SCGB2B2: variants seen among roughly 807,000 people sequenced by gnomAD.
The protein encoded by SCGB2B2 is secretoglobin family 2B member 2.
SCGB2B2 carries 11 observed loss-of-function variants against 7.6 expected under a neutral mutation model. The ratio of observed to expected loss-of-function variants is 1.45; its 90% confidence interval spans 0.91 to 2.40. The LOEUF is 2.40. SCGB2B2 is among the 30% of genes most tolerant of loss of function. SCGB2B2 has a pLI of 0.00. For synonymous variants in SCGB2B2, 50 were observed against 48.6 expected, an observed-to-expected ratio of 1.03 and a Z score of -0.12; for missense variants, 104 against 115.4, an observed-to-expected ratio of 0.90 and a Z score of 0.45.
At position 34,602,031 on chromosome 19, in the gene SCGB2B2, A is replaced by G. The variant is rs1291234134; in HGVS notation, c.-2031-5437T>C. 2.6e-5 allele frequency among the ~76,000 whole-genome samples: 4 copies of G among 152,206 alleles called. No homozygotes were observed. In the South Asian group the frequency reaches 8.3e-4, roughly 32 times the overall value. On this transcript the variant is annotated intron_variant, in intron 1 of 3. Transcript: ENST00000601241. ...ACCCTTCATCCAGATTCAAAAGGAT[A>G]GCTTTTGATATTTCACCATTACATA...
intron 1 of SCGB2B2, chr19:34,646,638 A>T (rs1381318983): frequency 6.6e-6 from 1 of 152,386 alleles, no homozygotes. Flanking sequence ...TTTCTTTCCC[A>T]ACAGTCTAGG....
intron 1 of SCGB2B2, among the ~76,000 whole-genome samples, chr19:34,621,353 G>C (rs1313987391): frequency 6.6e-6 from 1 of 152,162 alleles, no homozygotes; most frequent in African/African-American, 2.4e-5. Flanking sequence ...TACCTGAAAG[G>C]CAAAAAGAGA....
At chr19:34,637,023 T>C (rs761681546) in intron 1 of SCGB2B2, among the ~76,000 whole-genome samples, 9 of 152,052 alleles carry the variant, frequency 5.9e-5, no homozygotes, top group African/African-American at 2.2e-4. Context: ...AAACTAGTAT[T>C]ACAAAAAGAG....
At chr19:34,609,669 T>C (rs192234996) in intron 1 of SCGB2B2, among the ~76,000 whole-genome samples, 18 of 152,300 alleles carry the variant, frequency 1.2e-4, no homozygotes, top group South Asian at 2.1e-4. Flanking sequence ...TTTAGTTCCA[T>C]TGGTCTATGT....
chr19:34,661,971 C>T (rs1016868447), intron 1 of SCGB2B2, among the ~76,000 whole-genome samples: 1 of 151,992 alleles, frequency 6.6e-6, no homozygotes, highest in Non-Finnish European at 1.5e-5. Context: ...CCTCTGCCTC[C>T]CAGGTTCAAG....
intron 1 of SCGB2B2, among the ~76,000 whole-genome samples, chr19:34,659,980 C>T (rs2067405638): frequency 1.3e-5 from 2 of 152,166 alleles, no homozygotes; most frequent in South Asian, 4.1e-4. Context: ...AATAACACCA[C>T]ATGTCTACAA....
intron 1 of SCGB2B2, among the ~76,000 whole-genome samples, chr19:34,669,186 CA>C (rs2067731233): frequency 6.6e-6 from 1 of 152,182 alleles, no homozygotes; most frequent in African/African-American, 2.4e-5. Flanking sequence ...TCCGCGACTT[CA>C]TTCTTGAAGT....
At chr19:34,651,808 T>A (rs1199473885) in intron 1 of SCGB2B2, among the ~76,000 whole-genome samples, 2 of 151,176 alleles carry the variant, frequency 1.3e-5, no homozygotes, top group African/African-American at 4.9e-5. Flanking sequence ...TACAAAAGAC[T>A]CTGAGTGGCC....
chr19:34,660,516 C>T (rs1600068914), intron 1 of SCGB2B2, among the ~76,000 whole-genome samples: 1 of 152,232 alleles, frequency 6.6e-6, no homozygotes, highest in East Asian at 1.9e-4. Context: ...TTTATGCAGC[C>T]AACAGATATA....
intron 1 of SCGB2B2, among the ~76,000 whole-genome samples, chr19:34,664,520 T>C (rs2067556645): frequency 1.3e-5 from 2 of 152,182 alleles, no homozygotes; most frequent in South Asian, 4.1e-4. Context: ...CTGAGGGACG[T>C]GGCTCAGGTC....
intron 1 of SCGB2B2, among the ~76,000 whole-genome samples, chr19:34,668,918 A>G (rs901179933): frequency 9.2e-5 from 14 of 152,122 alleles, no homozygotes; most frequent in South Asian, 2.1e-4. Context: ...CAGATAAGAG[A>G]GTAAAAGCAG....
At chr19:34,617,593 A>G (rs867858141) in intron 1 of SCGB2B2, among the ~76,000 whole-genome samples, 40 of 152,148 alleles carry the variant, frequency 2.6e-4, no homozygotes, top group Middle Eastern at 3.4e-3. Flanking sequence ...GGGCTGAGAC[A>G]ATGGGGTTTT....
Position 34,628,444 on chromosome 19 carries a change from C to T in SCGB2B2, c.-2031-31850G>A, listed in dbSNP as rs909576040. 9.2e-4 allele frequency among the ~76,000 whole-genome samples: 139 copies of T among 151,718 alleles called. 4 individuals carry two copies. The highest frequency in any genetic ancestry group is 9.9e-4 in the Admixed American group (15 of 15,192). On this transcript the variant is annotated intron_variant, in intron 1 of 3. Transcript: ENST00000601241. ...AAAATGATAAAGGAGACATCACCAC[C>T]GATCCCACAGAAATACAAACTACCA...
chr19:34,615,839 T>A (rs1600048613), intron 1 of SCGB2B2, among the ~76,000 whole-genome samples: 1 of 105,048 alleles, frequency 9.5e-6, no homozygotes. Flanking sequence ...ATGCTATCCC[T>A]CCCCCCACCC....
rs2065278478 is a variant in SCGB2B2, at chr19:34,590,746, GT to G, written c.*2808del. Among the ~76,000 whole-genome samples the G allele has an allele frequency of 1.1e-5, 1 of 89,746 alleles. No homozygotes were observed. The highest frequency in any genetic ancestry group is 2.4e-5 in the Non-Finnish European group (1 of 42,238). 58.9% of individuals were successfully genotyped at this position (89,746 alleles called of 152,430 possible). A position where few individuals can be genotyped will look rare whatever the true frequency, so the allele number is the denominator to read the frequency against. The stretch of plus-strand genomic sequence containing the variant: ...CAGAGTCGTAAGCATTTTAGTTAAA[GT>G]AAACTCACAGGACATTGTCATTTTA... On this transcript the variant is annotated 3_prime_UTR_variant, in exon 4 of 4. Transcript: ENST00000601241.
intron 1 of SCGB2B2, among the ~76,000 whole-genome samples, chr19:34,603,795 C>CTTTTCT (rs2065699414): frequency 7.6e-6 from 1 of 131,288 alleles, no homozygotes; most frequent in Admixed American, 8.3e-5. Flanking sequence ...TGTTTTATTA[C>CTTTTCT]TTTTTTTTTT....
chr19:34,624,576 A>G (rs2066318761), intron 1 of SCGB2B2, among the ~76,000 whole-genome samples: 1 of 152,214 alleles, frequency 6.6e-6, no homozygotes, highest in East Asian at 1.9e-4. Flanking sequence ...AGGAGACATG[A>G]GAGCTGCAAA....
chr19:34,613,720 G>T (rs2145855117), intron 1 of SCGB2B2, among the ~76,000 whole-genome samples: 1 of 152,222 alleles, frequency 6.6e-6, no homozygotes, highest in Admixed American at 6.5e-5. Context: ...CCACCCATAA[G>T]TTTTACACTT....
At chr19:34,641,702 T>C (rs2066847025) in intron 1 of SCGB2B2, among the ~76,000 whole-genome samples, 1 of 152,202 alleles carries the variant, frequency 6.6e-6, no homozygotes, top group Non-Finnish European at 1.5e-5. Flanking sequence ...TGACCAACTC[T>C]TGGCCCCTCT....
Sources: allele counts gnomAD v4.1 joint callset (sites outside exome capture counted in the v4.1 genomes callset), GRCh38; gene constraint gnomAD v4.1.1; transcripts MANE v1.5; gene names NCBI Gene and HGNC (gene_info 2026-07-23, HGNC 2026-07-21).